The following TRAPPC9 variants were observed in gnomAD, a reference collection of about 807,000 sequenced individuals.
TRAPPC9 encodes IKK2 binding protein.
In TRAPPC9, 83 loss-of-function variants were observed where a neutral mutation model predicts 124.0. The observed-to-expected ratio is 0.67, with a 90% CI of 0.56 to 0.80. TRAPPC9 has a LOEUF of 0.80. TRAPPC9 is among the 30% of genes least tolerant of loss of function. The pLI, the probability that TRAPPC9 is intolerant of heterozygous loss-of-function variation, is 0.00. For missense variants in TRAPPC9, 1,302 were observed against 1,508.3 expected, an observed-to-expected ratio of 0.86 and a Z score of 2.27; for synonymous variants, 638 against 617.5, an observed-to-expected ratio of 1.03 and a Z score of -0.49.
At chr8:139,736,022 C>T (rs750187571) in intron 21 of TRAPPC9, among the ~76,000 whole-genome samples, 8 of 152,200 alleles carry the variant, frequency 5.3e-5, no homozygotes, top group Non-Finnish European at 1.2e-4. Flanking sequence ...TTCCCTTCAC[C>T]CTGGGAAAGG....
intron 17 of TRAPPC9, among the ~76,000 whole-genome samples, chr8:140,186,024 C>T (rs577152321): frequency 2.0e-5 from 3 of 152,226 alleles, no homozygotes; most frequent in East Asian, 1.9e-4. Flanking sequence ...TTGTCTGTGA[C>T]GCTGGGGTAT....
intron 5 of TRAPPC9, among the ~76,000 whole-genome samples, chr8:140,416,015 G>T (rs1211207622): frequency 3.3e-5 from 5 of 151,606 alleles, no homozygotes. Flanking sequence ...AAAAAGAAGA[G>T]AAAATTAAAT....
At chr8:139,856,853 C>G (rs1827832590) in intron 21 of TRAPPC9, among the ~76,000 whole-genome samples, 1 of 152,052 alleles carries the variant, frequency 6.6e-6, no homozygotes. Flanking sequence ...ATCTACCCAC[C>G]CATTCATTCT....
chr8:140,030,700 C>T (rs1175965507), intron 17 of TRAPPC9, among the ~76,000 whole-genome samples: 1 of 152,152 alleles, frequency 6.6e-6, no homozygotes, highest in South Asian at 2.1e-4. Context: ...ATTACTGATA[C>T]ATACACAACA....
intron 7 of TRAPPC9, among the ~76,000 whole-genome samples, chr8:140,373,650 C>A (rs1185908395): frequency 6.6e-6 from 1 of 151,508 alleles, no homozygotes; most frequent in Non-Finnish European, 1.5e-5. Flanking sequence ...TGCTCACCAG[C>A]ATATGAGGAT....
At chr8:139,977,474 C>T (rs1406299794) in intron 19 of TRAPPC9, among the ~76,000 whole-genome samples, 4 of 151,632 alleles carry the variant, frequency 2.6e-5, no homozygotes, top group Non-Finnish European at 2.9e-5. Flanking sequence ...AAAAATTAGC[C>T]GGGCGTGGTG....
intron 7 of TRAPPC9, among the ~76,000 whole-genome samples, chr8:140,380,278 T>A (rs914181724): frequency 1.3e-5 from 2 of 152,196 alleles, no homozygotes; most frequent in Admixed American, 1.3e-4. Context: ...TATGATCAAC[T>A]AATTTTCCAC....
At chr8:140,412,153 T>C (rs1168744401) in intron 5 of TRAPPC9, among the ~76,000 whole-genome samples, 2 of 152,208 alleles carry the variant, frequency 1.3e-5, no homozygotes, top group Admixed American at 1.3e-4. Flanking sequence ...GCCTCACCAG[T>C]AATGGGACAA....
intron 11 of TRAPPC9, among the ~76,000 whole-genome samples, chr8:140,299,410 G>C (rs1290960154): frequency 6.6e-6 from 1 of 152,236 alleles, no homozygotes; most frequent in Non-Finnish European, 1.5e-5. Flanking sequence ...GGAAAAAGGA[G>C]CCGGAATGCC....
chr8:140,458,371 CACCCCCTGTGACCCTCACGGT>C (rs2071780457), upstream of TRAPPC9: 1 of 1,591,232 alleles, frequency 6.3e-7, no homozygotes, highest in Non-Finnish European at 8.5e-7. Context: ...ATCCCTGCGG[CACCCCCTGTGACCCTCACGGT>C]ACCCCCCGTG....
chr8:140,346,408 A>G (rs915885827), intron 9 of TRAPPC9, among the ~76,000 whole-genome samples: 5 of 152,230 alleles, frequency 3.3e-5, no homozygotes, highest in Non-Finnish European at 7.3e-5. Flanking sequence ...CAGATTTTCC[A>G]GCTCCTCCTT....
At chr8:140,150,983 C>A (rs2061535702) in intron 17 of TRAPPC9, among the ~76,000 whole-genome samples, 1 of 152,180 alleles carries the variant, frequency 6.6e-6, no homozygotes, top group Non-Finnish European at 1.5e-5. Flanking sequence ...CTTCTACTGG[C>A]TGATACACAG....
chr8:139,913,516 A>T (rs1240942632), intron 19 of TRAPPC9, among the ~76,000 whole-genome samples: 1 of 152,216 alleles, frequency 6.6e-6, no homozygotes. Flanking sequence ...ACACCTAAAG[A>T]GAGACCATTT....
At chr8:140,423,705 CACATATAT>C (rs778511760) in intron 5 of TRAPPC9, among the ~76,000 whole-genome samples, 127 of 151,484 alleles carry the variant, frequency 8.4e-4, no homozygotes, top group Non-Finnish European at 1.5e-3. Context: ...CACATGTATA[CACATATAT>C]ACATATATAC....
At chr8:139,738,944 A>G (rs1030592830) in intron 21 of TRAPPC9, among the ~76,000 whole-genome samples, 6 of 152,136 alleles carry the variant, frequency 3.9e-5, no homozygotes, top group African/African-American at 1.4e-4. Flanking sequence ...ATCCTCTATG[A>G]GAGGTGCCAG....
chr8:140,448,475 C>T (rs1180994050), intron 2 of TRAPPC9, among the ~76,000 whole-genome samples: 1 of 152,166 alleles, frequency 6.6e-6, no homozygotes, highest in African/African-American at 2.4e-5. Context: ...TTTCAAAAGG[C>T]AAAAAAGACC....
intron 6 of TRAPPC9, among the ~76,000 whole-genome samples, chr8:140,404,946 G>GTGTGTGTGTGTGTGTGTC (rs910246104): frequency 1.1e-4 from 17 of 150,882 alleles, no homozygotes; most frequent in Non-Finnish European, 8.9e-5. Flanking sequence ...GTGTGTGTGT[G>GTGTGTGTGTGTGTGTGTC]TCTCATAGGC....
chr8:140,214,100 T>A (rs1484176839), intron 17 of TRAPPC9, among the ~76,000 whole-genome samples: 2 of 152,232 alleles, frequency 1.3e-5, no homozygotes, highest in Non-Finnish European at 2.9e-5. Flanking sequence ...CGGCACACAG[T>A]CCAACTCAGG....
At chr8:139,962,761 G>T (rs1835423580) in intron 19 of TRAPPC9, among the ~76,000 whole-genome samples, 1 of 124,150 alleles carries the variant, frequency 8.1e-6, no homozygotes, top group African/African-American at 2.6e-5. Flanking sequence ...AGCTCAGGGA[G>T]GCCCAGCATC....
Sources: gnomAD v4.1 joint callset for allele counts (sites outside exome capture counted in the v4.1 genomes callset) on GRCh38, gnomAD v4.1.1 for gene constraint, MANE v1.5 for transcripts, NCBI Gene and HGNC (gene_info 2026-07-23, HGNC 2026-07-21) for gene names.